The following TENM2 variants were observed in gnomAD, a reference collection of about 807,000 sequenced individuals.
The protein encoded by TENM2 is teneurin transmembrane protein 2, also known as teneurin-2.
Under a neutral mutation model 245.2 loss-of-function variants are expected in TENM2, and 52 were observed. The ratio of observed to expected loss-of-function variants is 0.21; its 90% CI spans 0.17 to 0.27. The LOEUF (loss-of-function observed/expected upper bound fraction) is 0.27. Ranked by LOEUF, TENM2 falls within the 10% of genes least tolerant of loss-of-function variation. The pLI, the probability that TENM2 is intolerant of heterozygous loss-of-function variation, is 1.00. For synonymous variants in TENM2, 1,363 were observed against 1,438.9 expected (o/e 0.95, Z 1.19); for missense variants, 3,046 against 3,666.8 (o/e 0.83, Z 4.37).
At chr5:167,859,363 C>T (rs1291018774) in intron 2 of TENM2, among the ~76,000 whole-genome samples, 170 of 139,166 alleles carry the variant, frequency 1.2e-3, no homozygotes, top group Middle Eastern at 7.6e-3. Context: ...GCAGCCACCC[C>T]GTCCGGGAGG....
chr5:167,590,251 A>G (rs1216860207), intron 2 of TENM2, among the ~76,000 whole-genome samples: 1 of 152,024 alleles, frequency 6.6e-6, no homozygotes, highest in Non-Finnish European at 1.5e-5. Flanking sequence ...GATATTTCAA[A>G]TCTTGATGTA....
At chr5:167,191,478 T>G in the TENM2 span, among the ~76,000 whole-genome samples, 1 of 152,152 alleles carries the variant, frequency 6.6e-6, no homozygotes, top group Admixed American at 6.6e-5. Context: ...CTCTAACCCC[T>G]TGTATACATG....
the TENM2 span, among the ~76,000 whole-genome samples, chr5:167,151,623 A>T: frequency 6.6e-6 from 1 of 151,918 alleles, no homozygotes; most frequent in Admixed American, 6.6e-5. Context: ...GGTTCATGCC[A>T]TTCTCCTGCC....
chr5:167,317,208 A>G (rs750771587), intron 1 of TENM2, among the ~76,000 whole-genome samples: 31 of 152,168 alleles, frequency 2.0e-4, no homozygotes, highest in Admixed American at 2.6e-4. Flanking sequence ...GGATCCCTTC[A>G]GTAGGTTCAT....
the TENM2 span, among the ~76,000 whole-genome samples, chr5:167,260,770 C>A: frequency 6.6e-6 from 1 of 152,118 alleles, no homozygotes; most frequent in Non-Finnish European, 1.5e-5. Context: ...AACGTAAACA[C>A]AGATGTGGTG....
intron 2 of TENM2, among the ~76,000 whole-genome samples, chr5:167,379,220 T>C (rs1166426883): frequency 2.0e-5 from 3 of 152,168 alleles, no homozygotes; most frequent in South Asian, 2.1e-4. Flanking sequence ...GGGCACGTAA[T>C]GGATTTATGT....
intron 25 of TENM2, among the ~76,000 whole-genome samples, chr5:168,238,666 T>G (rs568601681): frequency 1.3e-5 from 2 of 152,368 alleles, no homozygotes; most frequent in African/African-American, 4.8e-5. Context: ...AGGGCCGTTT[T>G]GAAGACAGCG....
At chr5:168,141,949 C>T (rs1755589868) in intron 12 of TENM2, among the ~76,000 whole-genome samples, 1 of 152,206 alleles carries the variant, frequency 6.6e-6, no homozygotes, top group Admixed American at 6.5e-5. Flanking sequence ...ATACTGGAGC[C>T]ATCTCTGTCT....
chr5:167,810,853 G>A (rs1229478528), intron 2 of TENM2, among the ~76,000 whole-genome samples: 2 of 152,090 alleles, frequency 1.3e-5, no homozygotes, highest in African/African-American at 4.8e-5. Flanking sequence ...TCTCAAATCA[G>A]ATTAAGGAAA....
intron 2 of TENM2, among the ~76,000 whole-genome samples, chr5:167,863,698 A>G (rs961121069): frequency 2.0e-5 from 3 of 152,152 alleles, no homozygotes; most frequent in African/African-American, 4.8e-5. Context: ...ATAGTACAAT[A>G]AGATGGATGG....
chr5:167,953,416 G>T (rs1451449432), intron 4 of TENM2: 1 of 153,730 alleles, frequency 6.5e-6, no homozygotes, highest in Middle Eastern at 3.4e-3. Context: ...GTTTGAAAAT[G>T]ATCTCCAGGT....
At chr5:167,546,115 C>G (rs748382508) in intron 2 of TENM2, among the ~76,000 whole-genome samples, 3 of 152,100 alleles carry the variant, frequency 2.0e-5, no homozygotes, top group Non-Finnish European at 4.4e-5. Flanking sequence ...AATAACTTCT[C>G]CAAATTCATA....
At chr5:167,635,109 C>T (rs529537142) in intron 2 of TENM2, among the ~76,000 whole-genome samples, 1 of 152,250 alleles carries the variant, frequency 6.6e-6, no homozygotes, top group African/African-American at 2.4e-5. Context: ...TTTCATTTAT[C>T]ACATCCTTGT....
At chr5:167,598,538 G>A (rs80221703) in intron 2 of TENM2, among the ~76,000 whole-genome samples, 2 of 152,238 alleles carry the variant, frequency 1.3e-5, no homozygotes, top group East Asian at 3.8e-4. Flanking sequence ...GTGATGTCTA[G>A]AGAAGAAGGG....
the TENM2 span, among the ~76,000 whole-genome samples, chr5:167,039,107 C>T: frequency 6.6e-6 from 1 of 152,104 alleles, no homozygotes; most frequent in Non-Finnish European, 1.5e-5. Context: ...ATGTCTTCAT[C>T]GAATCAAACC....
chr5:167,653,537 T>G (rs905124253), intron 2 of TENM2: 6 of 152,232 alleles, frequency 3.9e-5, no homozygotes, highest in African/African-American at 1.4e-4. Flanking sequence ...TGCTTATATT[T>G]CTTCTTTTCA....
intron 1 of TENM2, among the ~76,000 whole-genome samples, chr5:167,347,505 A>T (rs1305171325): frequency 6.6e-6 from 1 of 152,204 alleles, no homozygotes; most frequent in Non-Finnish European, 1.5e-5. Context: ...AATGAAGTTA[A>T]AATAATGTAT....
chr5:168,197,399 T>G (rs1761531601), intron 15 of TENM2, among the ~76,000 whole-genome samples: 1 of 152,072 alleles, frequency 6.6e-6, no homozygotes, highest in African/African-American at 2.4e-5. Context: ...ACCACTGCCC[T>G]CAAAGAGATG....
chr5:167,498,630 C>T (rs1240325642), intron 2 of TENM2, among the ~76,000 whole-genome samples: 1 of 152,118 alleles, frequency 6.6e-6, no homozygotes, highest in Admixed American at 6.6e-5. Context: ...ACAGTTTCTC[C>T]TTGAGCTTGC....
Sources: gnomAD v4.1 joint callset for allele counts (sites outside exome capture counted in the v4.1 genomes callset) on GRCh38, gnomAD v4.1.1 for gene constraint, MANE v1.5 for transcripts, NCBI Gene and HGNC (gene_info 2026-07-23, HGNC 2026-07-21) for gene names.